The following NALF1 variants were observed in gnomAD, a reference collection of about 807,000 sequenced individuals.
The protein encoded by NALF1 is family with sequence similarity 155 member A.
Under a neutral mutation model 48.4 loss-of-function variants are expected in NALF1, and 3 were observed. The observed-to-expected ratio is 0.06, with a 90% CI of 0.03 to 0.16. The LOEUF (loss-of-function observed/expected upper bound fraction) is 0.16. NALF1 is among the 10% of genes least tolerant of loss of function. NALF1 has a pLI of 1.00. For synonymous variants in NALF1, 262 were observed against 245.7 expected (o/e 1.07, Z -0.62); for missense variants, 526 against 571.5 (o/e 0.92, Z 0.81).
At chr13:107,256,918 T>C (rs185878073) in intron 1 of NALF1, among the ~76,000 whole-genome samples, 200 of 152,306 alleles carry the variant, frequency 1.3e-3, no homozygotes, top group African/African-American at 4.6e-3. Context: ...AAGTCTGTTG[T>C]TGTATTAGTC....
intron 1 of NALF1, among the ~76,000 whole-genome samples, chr13:107,829,438 A>G (rs1206746798): frequency 2.0e-5 from 3 of 152,152 alleles, no homozygotes; most frequent in Admixed American, 1.3e-4. Flanking sequence ...GTTGACATAA[A>G]TATACTCCCA....
At chr13:107,768,000 C>G (rs1043245475) in intron 1 of NALF1, among the ~76,000 whole-genome samples, 1 of 152,102 alleles carries the variant, frequency 6.6e-6, no homozygotes, top group African/African-American at 2.4e-5. Flanking sequence ...CCTCAGAACC[C>G]GTCTATGATG....
rs368501529 is a variant in NALF1, at chr13:107,763,176, C to G, written c.915+102506G>C. Among the ~76,000 whole-genome samples, 27 of 151,824 alleles carry G rather than the reference C, an allele frequency of 1.8e-4. No homozygotes were observed. In the South Asian group the frequency reaches 5.2e-3, roughly 29 times the overall value. On this transcript the variant is annotated intron_variant, in intron 1 of 2. Transcript: ENST00000375915. ...AATCTTTTAAAGTAAACATAATACA[C>G]TAGAAATCACAAAAATGAGAAAATC...
chr13:107,766,195 GTCTC>G (rs970984521), intron 1 of NALF1, among the ~76,000 whole-genome samples: 1 of 152,144 alleles, frequency 6.6e-6, no homozygotes, highest in Non-Finnish European at 1.5e-5. Context: ...AGCTTAGCAG[GTCTC>G]TCTGAGGACA....
chr13:107,536,072 G>T (rs558962635), intron 1 of NALF1, among the ~76,000 whole-genome samples: 1 of 151,966 alleles, frequency 6.6e-6, no homozygotes, highest in Non-Finnish European at 1.5e-5. Context: ...ATACAAAAAT[G>T]AATTCAAGAT....
At chr13:107,187,316 C>A (rs1235513105) in intron 2 of NALF1, among the ~76,000 whole-genome samples, 4 of 152,198 alleles carry the variant, frequency 2.6e-5, no homozygotes, top group Non-Finnish European at 5.9e-5. Context: ...AGGCCTTCCA[C>A]CACTTCTACC....
intron 1 of NALF1, among the ~76,000 whole-genome samples, chr13:107,715,015 T>C (rs1461520516): frequency 6.6e-6 from 1 of 152,160 alleles, no homozygotes; most frequent in African/African-American, 2.4e-5. Flanking sequence ...TTTTTATTTT[T>C]GTGCTTATAT....
chr13:107,779,216 C>T (rs536543761), intron 1 of NALF1, among the ~76,000 whole-genome samples: 2 of 152,320 alleles, frequency 1.3e-5, no homozygotes, highest in African/African-American at 4.8e-5. Flanking sequence ...TTTACACCTG[C>T]ATTCTTATAA....
chr13:107,293,161 T>C lies in NALF1; in HGVS notation c.916-82406A>G, dbSNP rs12873547. Reference sequence around the variant, plus strand: ...ACACCTGGCTAATTTTTTGTATTTTTAGTAGAGATGGGGTTTCACCTTGTT... The same window carrying C: ...ACACCTGGCTAATTTTTTGTATTTTCAGTAGAGATGGGGTTTCACCTTGTT... On this transcript the variant is annotated intron_variant, in intron 1 of 2. Coordinates refer to ENST00000375915, the MANE Select transcript of NALF1 (RefSeq NM_001080396.3). Among the ~76,000 whole-genome samples the C allele has an allele frequency of 6.4e-3, 965 of 151,950 alleles. 6 individuals are homozygous for C. Among genetic ancestry groups the C allele is most frequent in the Non-Finnish European group, 0.012 (811 of 67,952 alleles).
intron 1 of NALF1, among the ~76,000 whole-genome samples, chr13:107,740,613 C>T (rs1353098368): frequency 6.6e-6 from 1 of 152,116 alleles, no homozygotes; most frequent in African/African-American, 2.4e-5. Context: ...AAGTGTTTAC[C>T]TATTAATTTC....
chr13:107,669,429 G>A (rs956127913), intron 1 of NALF1, among the ~76,000 whole-genome samples: 1 of 152,086 alleles, frequency 6.6e-6, no homozygotes, highest in African/African-American at 2.4e-5. Context: ...ATAAAAAAAC[G>A]GGAACACGTG....
rs61241553 is a variant in NALF1 at position 107,469,733 on chromosome 13, C to CTTTT, written c.916-258982_916-258979dup. On this transcript the variant is annotated intron_variant, in intron 1 of 2. Transcript: ENST00000375915. ...TAAATGCGATGAGTCAACTGTGTAT[C>CTTTT]TTTTTTTTTTTTTTTTTTTTTTTTT... Among the ~76,000 whole-genome samples, 327 of 79,972 alleles carry CTTTT rather than the reference C, an allele frequency of 4.1e-3. 58 individuals are homozygous for CTTTT. The highest frequency in any genetic ancestry group is 5.5e-3 in the African/African-American group (103 of 18,766). 52.5% of individuals were successfully genotyped at this position (79,972 alleles called of 152,430 possible). A position where few individuals can be genotyped will look rare whatever the true frequency, so the allele number is the denominator to read the frequency against.
chr13:107,421,072 T>C (rs1884177785), intron 1 of NALF1, among the ~76,000 whole-genome samples: 2 of 152,176 alleles, frequency 1.3e-5, no homozygotes, highest in Non-Finnish European at 1.5e-5. Flanking sequence ...CTACAGGCAC[T>C]TCAAATATGG....
intron 1 of NALF1, among the ~76,000 whole-genome samples, chr13:107,553,294 T>C (rs1211124838): frequency 6.6e-6 from 1 of 152,216 alleles, no homozygotes; most frequent in East Asian, 1.9e-4. Context: ...ATCACATTTT[T>C]GTTATGTCTT....
At chr13:107,290,821 A>G (rs1029994587) in intron 1 of NALF1, among the ~76,000 whole-genome samples, 6 of 152,172 alleles carry the variant, frequency 3.9e-5, no homozygotes, top group Non-Finnish European at 1.5e-5. Context: ...ATTTGTGTAC[A>G]TACTGTCTAC....
At position 107,495,192 on chromosome 13, in the gene NALF1, C is replaced by A. The variant is rs533032818; in HGVS notation, c.916-284437G>T. Among the ~76,000 whole-genome samples, 8 of 152,164 alleles carry A rather than the reference C, an allele frequency of 5.3e-5. No homozygotes were observed. In the South Asian group the frequency reaches 1.5e-3, roughly 28 times the overall value. Reference sequence around the variant, plus strand: ...AAATTTTGACAACAGATGTGTTGGCCTATATAGTGTAGAGCTGATTTCATC... The same window carrying A: ...AAATTTTGACAACAGATGTGTTGGCATATATAGTGTAGAGCTGATTTCATC... On this transcript the variant is annotated intron_variant, in intron 1 of 2. Coordinates refer to ENST00000375915, the MANE Select transcript of NALF1 (RefSeq NM_001080396.3).
chr13:107,182,255 T>TGTGTGTGTGTGTGTCC (rs1555325202), intron 2 of NALF1, among the ~76,000 whole-genome samples: 146 of 132,568 alleles, frequency 1.1e-3, no homozygotes, highest in African/African-American at 4.0e-3. Flanking sequence ...TGTGTGTCCG[T>TGTGTGTGTGTGTGTCC]GTGTGTGTGT....
chr13:107,361,380 T>C (rs9559024), intron 1 of NALF1, among the ~76,000 whole-genome samples: 41,752 of 152,014 alleles, frequency 0.27, 6,794 homozygotes, highest in African/African-American at 0.45. Flanking sequence ...TTTGGCTCTG[T>C]TGCTGGTGAG....
chr13:107,329,339 ATGT>A (rs1301006788), intron 1 of NALF1, among the ~76,000 whole-genome samples: 1 of 152,130 alleles, frequency 6.6e-6, no homozygotes, highest in Non-Finnish European at 1.5e-5. Flanking sequence ...TTAATAACAA[ATGT>A]TGTGAAAGGA....
Sources: gnomAD v4.1 joint callset for allele counts (sites outside exome capture counted in the v4.1 genomes callset) on GRCh38, gnomAD v4.1.1 for gene constraint, MANE v1.5 for transcripts, NCBI Gene and HGNC (gene_info 2026-07-23, HGNC 2026-07-21) for gene names.